Variants in CDH11 observed in about 807,000 individuals in gnomAD.
CDH11 encodes the protein cadherin 11, also known as cadherin-11.
Under a neutral mutation model 67.8 loss-of-function variants are expected in CDH11, and 11 were observed. The observed-to-expected ratio is 0.16, with a 90% CI of 0.10 to 0.27. The LOEUF (loss-of-function observed/expected upper bound fraction) is 0.27. Ranked by LOEUF, CDH11 falls within the 10% of genes least tolerant of loss-of-function variation. The pLI is 1.00. For synonymous variants in CDH11, 419 were observed against 400.0 expected, an observed-to-expected ratio of 1.05 and a Z score of -0.57; for missense variants, 847 against 1,031.2, an observed-to-expected ratio of 0.82 and a Z score of 2.45.
chr16:64,992,008 G>A (rs2072640462), intron 5 of CDH11, 73 bp from the exon 6 acceptor site: 8 of 1,110,776 alleles, frequency 7.2e-6, no homozygotes, highest in Admixed American at 2.0e-5. Flanking sequence ...TCTGAGCACT[G>A]AGGAAGCAAT....
chr16:64,950,216 TCCAAGGGGTAC>T (rs2071320184), intron 12 of CDH11, among the ~76,000 whole-genome samples: 1 of 152,114 alleles, frequency 6.6e-6, no homozygotes, highest in African/African-American at 2.4e-5. Context: ...AGGAAAAGCT[TCCAAGGGGTAC>T]CCATGAGCTG....
chr16:64,957,844 T>C (rs1225155906), intron 11 of CDH11, among the ~76,000 whole-genome samples: 4 of 152,148 alleles, frequency 2.6e-5, no homozygotes, highest in Non-Finnish European at 5.9e-5. Context: ...TTTGAAAAAT[T>C]AATTTTAAGT....
chr16:65,109,523 TAAG>T (rs906835224), intron 1 of CDH11, among the ~76,000 whole-genome samples: 4 of 152,188 alleles, frequency 2.6e-5, no homozygotes, highest in African/African-American at 9.7e-5. Flanking sequence ...GCTATACAGT[TAAG>T]AAGGTGTGCA....
Position 65,122,010 on chromosome 16 carries a change from G to A in CDH11, c.-428C>T. The A allele has an allele frequency of 1.4e-6, 1 of 699,560 alleles. No individual in the cohort carries two copies. 43.3% of individuals were successfully genotyped at this position (699,560 alleles called of 1,614,324 possible). On this transcript the variant is annotated 5_prime_UTR_variant, in exon 1 of 13. Transcript: ENST00000268603. ...AGCGGCGGCTGCGAGCGGCCCCCGC[G>A]GCATCTGCTCCTCGGCCCGCGACGC...
chr16:65,095,915 G>A (rs2074882328), intron 1 of CDH11, among the ~76,000 whole-genome samples: 1 of 152,184 alleles, frequency 6.6e-6, no homozygotes, highest in Non-Finnish European at 1.5e-5. Flanking sequence ...TCCACTATTT[G>A]AGAAGGCCTT....
At chr16:65,015,657 T>A (rs1474968598) in intron 2 of CDH11, among the ~76,000 whole-genome samples, 4 of 152,166 alleles carry the variant, frequency 2.6e-5, no homozygotes, top group African/African-American at 9.7e-5. Context: ...TCATAAGTAA[T>A]GACCTGAGAG....
chr16:65,077,462 C>T (rs756464398), intron 1 of CDH11, among the ~76,000 whole-genome samples: 1 of 152,174 alleles, frequency 6.6e-6, no homozygotes, highest in Non-Finnish European at 1.5e-5. Flanking sequence ...AACTAATAAC[C>T]ATGGAGATGA....
intron 1 of CDH11, among the ~76,000 whole-genome samples, chr16:65,081,393 T>C (rs1567567364): frequency 6.6e-6 from 1 of 151,834 alleles, no homozygotes; most frequent in Non-Finnish European, 1.5e-5. Context: ...ATGGTGAAAC[T>C]CCCTCTCTAC....
chr16:64,985,774 C>A (rs567215777), intron 7 of CDH11: 1 of 148,288 alleles, frequency 6.7e-6, no homozygotes, highest in African/African-American at 2.5e-5. Flanking sequence ...GCCTGGGATA[C>A]TAGATACTAC....
Position 65,004,836 on chromosome 16 carries a change from C to T in CDH11, c.34G>A (p.Val12Met). 4 of 1,569,002 alleles carry T rather than the reference C, an allele frequency of 2.5e-6. No individual in the cohort carries two copies. Among genetic ancestry groups the T allele is most frequent in the Non-Finnish European group, 3.5e-6 (4 of 1,156,864 alleles). Reference protein sequence around the residue: ...KENYCLQAALVCLGMLCHSHA... With the variant: ...KENYCLQAALMCLGMLCHSHA... Reference sequence around the variant, plus strand: ...CTGTGGCACAGCATGCCCAGGCACACCAGGGCGGCTTGTAAACAGTAGTTC... The same window carrying T: ...CTGTGGCACAGCATGCCCAGGCACATCAGGGCGGCTTGTAAACAGTAGTTC... The change falls in exon 3 of 13, where the codon GTG becomes ATG. Residue 12 changes from valine to methionine, a missense_variant. Around this residue, in one of 2 missense-constraint regions of CDH11, gnomAD observed 235 missense variants for 352.5 expected, o/e 0.67. Transcript: ENST00000268603.
intron 7 of CDH11, chr16:64,985,030 T>C (rs2072450767): frequency 6.6e-6 from 1 of 152,170 alleles, no homozygotes; most frequent in African/African-American, 2.4e-5. Flanking sequence ...CACTGTGCGG[T>C]GATTTCTCTG....
chr16:65,009,200 T>C (rs996458392), intron 2 of CDH11, among the ~76,000 whole-genome samples: 1 of 152,062 alleles, frequency 6.6e-6, no homozygotes, highest in African/African-American at 2.4e-5. Flanking sequence ...GATGATAATT[T>C]AAATTTTGGT....
At position 64,950,737 on chromosome 16, in the gene CDH11, T is replaced by G. The variant is rs541059450; in HGVS notation, c.1894+30A>C. On this transcript the variant is annotated intron_variant, in intron 12 of 12. Coordinates refer to ENST00000268603, the MANE Select transcript of CDH11 (RefSeq NM_001797.4). ...GGAGGGGCATCCGGTTGCCTGGCCC[T>G]TCCTGCAGGGGACCAGGAAGCGCCC... is the stretch of plus-strand genomic sequence containing the variant. 29 of 1,605,010 alleles carry G rather than the reference T, an allele frequency of 1.8e-5. No individual in the cohort carries two copies. The East Asian group carries it at 6.1e-4, about 33-fold the overall frequency.
At chr16:65,032,086 A>T (rs1173994821) in intron 2 of CDH11, among the ~76,000 whole-genome samples, 1 of 152,158 alleles carries the variant, frequency 6.6e-6, no homozygotes, top group Non-Finnish European at 1.5e-5. Flanking sequence ...ATAAAGGCAA[A>T]GGAAAATATC....
intron 2 of CDH11, among the ~76,000 whole-genome samples, chr16:65,018,271 G>A (rs918682036): frequency 6.6e-6 from 1 of 152,106 alleles, no homozygotes; most frequent in East Asian, 1.9e-4. Flanking sequence ...GAAGGTATGA[G>A]GCCAATTTTC....
chr16:65,006,115 T>G (rs1307640125), intron 2 of CDH11, among the ~76,000 whole-genome samples: 1 of 152,176 alleles, frequency 6.6e-6, no homozygotes, highest in East Asian at 1.9e-4. Flanking sequence ...TCTCCTCTCT[T>G]AGAACCATAC....
intron 3 of CDH11, among the ~76,000 whole-genome samples, chr16:64,999,128 G>A (rs570112922): frequency 1.9e-4 from 29 of 152,060 alleles, no homozygotes; most frequent in Admixed American, 3.9e-4. Flanking sequence ...ATATATATGC[G>A]CATATGCAAA....
At chr16:65,008,902 C>G (rs745744260) in intron 2 of CDH11, among the ~76,000 whole-genome samples, 89 of 152,136 alleles carry the variant, frequency 5.9e-4, no homozygotes, top group African/African-American at 1.9e-3. Flanking sequence ...GGGTGTTATC[C>G]GCCTAACATT....
At chr16:65,048,438 C>T (rs531807123) in intron 2 of CDH11, among the ~76,000 whole-genome samples, 5 of 152,262 alleles carry the variant, frequency 3.3e-5, no homozygotes, top group Admixed American at 3.3e-4. Context: ...ACGGAACCTG[C>T]ACCCATGTGT....
Sources: gnomAD v4.1 joint callset for allele counts (sites outside exome capture counted in the v4.1 genomes callset) on GRCh38, gnomAD v4.1.1 for gene constraint, gnomAD v4.1.1 regional missense constraint, MANE v1.5 for transcripts, NCBI Gene and HGNC (gene_info 2026-07-23, HGNC 2026-07-21) for gene names.